Variants in CRYZL1 observed in about 807,000 individuals in gnomAD.
CRYZL1 encodes the protein crystallin zeta like 1.
Under a neutral mutation model 50.6 loss-of-function variants are expected in CRYZL1, and 34 were observed. That is an observed-to-expected ratio of 0.67 (90% CI 0.51 to 0.89). The LOEUF is 0.89. Among genes scored for constraint, CRYZL1 ranks in the 40% least tolerant of loss-of-function variants. CRYZL1 has a pLI of 0.00. For synonymous variants in CRYZL1, 125 were observed against 134.3 expected (o/e 0.93, Z 0.48); for missense variants, 354 against 402.3 (o/e 0.88, Z 1.03).
chr21:33,641,039 TA>T, intron 1 of CRYZL1: 1 of 1,314,082 alleles, frequency 7.6e-7, no homozygotes, highest in Non-Finnish European at 9.8e-7. Flanking sequence ...TAAAATGACA[TA>T]AGGGACTCGC....
chr21:33,632,993 T>G (rs978290601), intron 1 of CRYZL1, among the ~76,000 whole-genome samples: 2 of 152,198 alleles, frequency 1.3e-5, no homozygotes, highest in African/African-American at 4.8e-5. Flanking sequence ...AAAATTATAC[T>G]CTTTAATGTC....
At chr21:33,607,328 A>G (rs1230361108) in intron 6 of CRYZL1, among the ~76,000 whole-genome samples, 1 of 152,178 alleles carries the variant, frequency 6.6e-6, no homozygotes, top group African/African-American at 2.4e-5. Flanking sequence ...AAAGTGACTG[A>G]GCACTGAGCA....
At position 33,631,066 on chromosome 21, in the gene CRYZL1, T is replaced by C. The variant is rs192335153; in HGVS notation, c.66+420A>G. ...GTTACAGGTAGATGGAAGGAATAGG[T>C]TCTGGTGTTCTATTGTACAGCAAGG... On this transcript the variant is annotated intron_variant, in intron 2 of 12. Transcript: ENST00000381554. Among the ~76,000 whole-genome samples, 33 of 152,276 alleles carry C rather than the reference T, an allele frequency of 2.2e-4. No homozygotes were observed. The East Asian group carries it at 4.6e-3, about 21-fold the overall frequency.
At chr21:33,601,752 C>G (rs1311086054) in intron 8 of CRYZL1, among the ~76,000 whole-genome samples, 1 of 151,810 alleles carries the variant, frequency 6.6e-6, no homozygotes. Flanking sequence ...CCCGTCTCTA[C>G]AAAAAATACA....
At chr21:33,596,506 C>G (rs777674225) in intron 10 of CRYZL1, among the ~76,000 whole-genome samples, 1 of 151,852 alleles carries the variant, frequency 6.6e-6, no homozygotes, top group South Asian at 2.1e-4. Flanking sequence ...GGCGTGGTGG[C>G]GGGCGCCTGT....
intron 8 of CRYZL1, among the ~76,000 whole-genome samples, chr21:33,601,797 G>T (rs1206814603): frequency 6.6e-6 from 1 of 151,584 alleles, no homozygotes; most frequent in Non-Finnish European, 1.5e-5. Context: ...TATGCCTGTA[G>T]TCCCAGCTAC....
chr21:33,616,815 A>G, intron 4 of CRYZL1, 65 bp from the exon 5 acceptor site: 1 of 1,339,968 alleles, frequency 7.5e-7, no homozygotes, highest in East Asian at 2.6e-5. Context: ...TTATCTATTA[A>G]AATACATTTT....
At chr21:33,598,929 G>T (rs1257053164) in intron 9 of CRYZL1, among the ~76,000 whole-genome samples, 1 of 151,120 alleles carries the variant, frequency 6.6e-6, no homozygotes, top group Non-Finnish European at 1.5e-5. Flanking sequence ...CCTAGTCTAC[G>T]CTGTAAAAGA....
At chr21:33,623,640 G>A (rs913235931) in intron 3 of CRYZL1, among the ~76,000 whole-genome samples, 1 of 152,060 alleles carries the variant, frequency 6.6e-6, no homozygotes, top group Non-Finnish European at 1.5e-5. Flanking sequence ...CCTATACCTG[G>A]TCTGTAATTT....
At position 33,633,257 on chromosome 21, in the gene CRYZL1, G is replaced by A. The variant is rs564767988; in HGVS notation, c.-6-1700C>T. On this transcript the variant is annotated intron_variant, in intron 1 of 12. Coordinates refer to ENST00000381554, the MANE Select transcript of CRYZL1 (RefSeq NM_145858.3). ...TTTATTCTATGAATGAGGAAAGTGA[G>A]TCTTAGCTTAAAGCATGTAGCTGGT... 1.4e-4 allele frequency among the ~76,000 whole-genome samples: 21 copies of A among 152,250 alleles called. No homozygotes were observed. The South Asian group carries it at 4.1e-3, about 30-fold the overall frequency.
chr21:33,631,945 A>C (rs533165446), intron 1 of CRYZL1, among the ~76,000 whole-genome samples: 1 of 152,184 alleles, frequency 6.6e-6, no homozygotes, highest in Non-Finnish European at 1.5e-5. Context: ...ATCATTAAAA[A>C]GGAGAAAGTG....
At chr21:33,603,896 A>G (rs973572498) in intron 6 of CRYZL1, among the ~76,000 whole-genome samples, 3 of 152,260 alleles carry the variant, frequency 2.0e-5, no homozygotes, top group African/African-American at 7.2e-5. Context: ...TCCTCACCAA[A>G]GGTCACCACC....
In CRYZL1 at chr21:33,599,804, T is replaced by A. The variant is rs189976349; in HGVS notation, c.578-556A>T. 1.1e-3 allele frequency among the ~76,000 whole-genome samples: 168 copies of A among 152,080 alleles called. 2 individuals carry two copies. The East Asian group carries it at 0.018, about 16-fold the overall frequency. On this transcript the variant is annotated intron_variant, in intron 8 of 12. Transcript: ENST00000381554. ...ATGCCACCACGCATGGCTATTTTTTTAATTTTTTTTTGTAGGGAGAGGGTC... is the reference window on the plus strand; with the variant it reads ...ATGCCACCACGCATGGCTATTTTTTAAATTTTTTTTTGTAGGGAGAGGGTC...
intron 6 of CRYZL1, among the ~76,000 whole-genome samples, chr21:33,605,824 A>C (rs2086807634): frequency 6.6e-6 from 1 of 151,890 alleles, no homozygotes; most frequent in Admixed American, 6.6e-5. Flanking sequence ...ACGCCTGGCC[A>C]AGAAATTCTT....
In CRYZL1 at chr21:33,631,561, AAAAT is replaced by A. The variant is rs2087137709; in HGVS notation, c.-6-8_-6-5del. On this transcript the variant is annotated splice_region_variant and splice_polypyrimidine_tract_variant and intron_variant, in intron 1 of 12. Coordinates refer to ENST00000381554, the MANE Select transcript of CRYZL1 (RefSeq NM_145858.3). ...AATATAAGCCTTTCATAGTCACCTA[AAAAT>A]AAATATATATAAATGAAATAAAATA... is the stretch of plus-strand genomic sequence containing the variant. The A allele has an allele frequency of 5.5e-6, 8 of 1,460,348 alleles. No individual in the cohort carries two copies. In the East Asian group the frequency reaches 2.0e-4, roughly 37 times the overall value. 90.5% of individuals were successfully genotyped at this position (1,460,348 alleles called of 1,614,324 possible). A position where few individuals can be genotyped will look rare whatever the true frequency, so the allele number is the denominator to read the frequency against.
intron 8 of CRYZL1, among the ~76,000 whole-genome samples, chr21:33,601,821 G>A (rs1230811678): frequency 6.6e-6 from 1 of 151,738 alleles, no homozygotes; most frequent in Non-Finnish European, 1.5e-5. Flanking sequence ...GGTGGCTGAG[G>A]TGGGAGGATC....
rs534562132 is a variant in CRYZL1, at chr21:33,603,437, A to G, written c.432T>C (p.Pro144=). 2 of 1,614,190 alleles carry G rather than the reference A, an allele frequency of 1.2e-6. No homozygotes were observed. The highest frequency in any genetic ancestry group is 2.2e-5 in the East Asian group (1 of 44,892). Reference sequence around the variant, plus strand: ...CATCCATTATCAGCACTGATTTTCCAGGAGAGAGATGAGAAAGATAATGCA... The same window carrying G: ...CATCCATTATCAGCACTGATTTTCCGGGAGAGAGATGAGAAAGATAATGCA... The part of the protein sequence containing the change: ...TALHYLSHLS[P]GKSVLIMDGA... The change falls in exon 7 of 13, where the codon CCT becomes CCC. Residue 144 remains proline (P), a synonymous_variant. Transcript: ENST00000381554.
intron 1 of CRYZL1, among the ~76,000 whole-genome samples, chr21:33,640,411 T>A (rs140034125): frequency 1.0e-3 from 158 of 152,016 alleles, no homozygotes; most frequent in Non-Finnish European, 1.5e-3. Flanking sequence ...CGAGTTTGAA[T>A]CGGGGCTTTC....
In CRYZL1 at chr21:33,635,118, C is replaced by T. The variant is rs530223842; in HGVS notation, c.-6-3561G>A. 2.6e-4 allele frequency among the ~76,000 whole-genome samples: 40 copies of T among 151,278 alleles called. No homozygotes were observed. The East Asian group carries it at 7.7e-3, about 29-fold the overall frequency. On this transcript the variant is annotated intron_variant, in intron 1 of 12. Transcript: ENST00000381554. ...CTGAGGAAATATTTGTCTTGAAAGC[C>T]CAAAAAAAGAATACTGAGTTCCTAG...
Sources: allele counts gnomAD v4.1 joint callset (sites outside exome capture counted in the v4.1 genomes callset), GRCh38; gene constraint gnomAD v4.1.1; transcripts MANE v1.5; gene names NCBI Gene and HGNC (gene_info 2026-07-23, HGNC 2026-07-21).